The following ACSF2 variants were observed in gnomAD, a reference collection of about 807,000 sequenced individuals.
The protein encoded by ACSF2 is medium-chain acyl-CoA ligase ACSF2, mitochondrial.
A neutral mutation model predicts 79.3 loss-of-function variants in ACSF2; 52 were observed. The ratio of observed to expected loss-of-function variants is 0.66; its 90% CI spans 0.53 to 0.83. The LOEUF is 0.83. Among genes scored for constraint, ACSF2 ranks in the 40% least tolerant of loss-of-function variants. ACSF2 has a pLI of 0.00. For synonymous variants in ACSF2, 283 were observed against 312.6 expected, an observed-to-expected ratio of 0.91 and a Z score of 1.00; for missense variants, 661 against 803.3, an observed-to-expected ratio of 0.82 and a Z score of 2.14.
rs1033559856 is a variant in ACSF2, at chr17:50,426,394, T to G, written c.128+5T>G. 2 of 1,333,260 alleles carry G rather than the reference T, an allele frequency of 1.5e-6. No individual in the cohort carries two copies. Among genetic ancestry groups the G allele is most frequent in the African/African-American group, 1.5e-5 (1 of 65,928 alleles). 82.6% of individuals were successfully genotyped at this position (1,333,260 alleles called of 1,614,324 possible). On this transcript the variant is annotated splice_donor_5th_base_variant and intron_variant, in intron 1 of 15. Coordinates refer to ENST00000300441, the MANE Select transcript of ACSF2 (RefSeq NM_025149.6). ...GCAGGGTGTCCGCTTCCTCAGGTAC[T>G]GGCCCCCCGCGGGAAGAGAGGGGGC...
chr17:50,427,915 T>C (rs1178820838), intron 1 of ACSF2, among the ~76,000 whole-genome samples: 2 of 152,118 alleles, frequency 1.3e-5, no homozygotes, highest in Non-Finnish European at 2.9e-5. Flanking sequence ...GACAGATGAT[T>C]TTCTGAGTGT....
At chr17:50,449,418 T>C (rs75564485) in intron 1 of ACSF2, among the ~76,000 whole-genome samples, 3 of 151,082 alleles carry the variant, frequency 2.0e-5, no homozygotes, top group Non-Finnish European at 2.9e-5. Context: ...TTTTTTTTTT[T>C]CTTTGAGACT....
At chr17:50,440,469 C>T (rs1012191678) in intron 1 of ACSF2, among the ~76,000 whole-genome samples, 1 of 152,246 alleles carries the variant, frequency 6.6e-6, no homozygotes, top group Non-Finnish European at 1.5e-5. Context: ...GCAAAACAAA[C>T]AGCTTCTCCT....
Position 50,462,074 on chromosome 17 carries a change from G to A in ACSF2, c.508-110G>A, listed in dbSNP as rs138487933. 2.8e-3 allele frequency: 2,339 copies of A among 841,328 alleles called. 7 individuals are homozygous for A. The highest frequency in any genetic ancestry group is 3.3e-3 in the Non-Finnish European group (1,692 of 519,024). 52.1% of individuals were successfully genotyped at this position (841,328 alleles called of 1,614,324 possible). ...GCCTGTGAGTGTGCTGGAGGTGTGT[G>A]TGTCAGAAGCGGGTGCATCTGTATG... On this transcript the variant is annotated intron_variant, in intron 4 of 15. Coordinates refer to ENST00000300441, the MANE Select transcript of ACSF2 (RefSeq NM_025149.6).
chr17:50,474,561 G>A lies in ACSF2; in HGVS notation c.*9G>A. The A allele has an allele frequency of 6.2e-7, 1 of 1,614,032 alleles. No individual in the cohort carries two copies. The highest frequency in any genetic ancestry group is 8.5e-7 in the Non-Finnish European group (1 of 1,179,944). On this transcript the variant is annotated 3_prime_UTR_variant, in exon 16 of 16. Transcript: ENST00000300441. This position sits in a 1 kb window ranked among gnomAD's most constrained non-coding sequence, Gnocchi z 4.2. ...GACATCTAAATCTGTGAATAAAGCA[G>A]CAGGCCTGTCCTGGCCGGTTGGCTT... is the stretch of plus-strand genomic sequence containing the variant.
At chr17:50,461,060 A>G (rs2032300601) in intron 2 of ACSF2, 182 bp from the exon 3 acceptor site, 15 of 1,130,670 alleles carry the variant, frequency 1.3e-5, no homozygotes, top group Non-Finnish European at 1.7e-5. Context: ...CTGTATCAGC[A>G]GCTCCTGGGG....
At chr17:50,472,356 C>T (rs1007808500) in intron 11 of ACSF2, 72 bp from the exon 12 acceptor site, 1 of 1,553,088 alleles carries the variant, frequency 6.4e-7, no homozygotes, top group Admixed American at 2.0e-5. Context: ...GCAAAGCTCT[C>T]TCCATTTCCA....
At chr17:50,434,985 C>T (rs1027151962) in intron 1 of ACSF2, among the ~76,000 whole-genome samples, 9 of 152,146 alleles carry the variant, frequency 5.9e-5, no homozygotes, top group Non-Finnish European at 5.9e-5. Context: ...ATTCTCCTGC[C>T]TCAGCCTCCC....
chr17:50,460,984 G>T (rs756377882), intron 2 of ACSF2, 112 bp downstream of exon 2: 54 of 1,310,280 alleles, frequency 4.1e-5, no homozygotes, highest in Middle Eastern at 2.1e-4. Flanking sequence ...TGCTAGGGCT[G>T]CCAGAGAACC....
intron 1 of ACSF2, among the ~76,000 whole-genome samples, chr17:50,454,854 T>A (rs891558531): frequency 6.6e-6 from 1 of 152,178 alleles, no homozygotes; most frequent in Non-Finnish European, 1.5e-5. Context: ...TGGATTTTTT[T>A]TTTTCCCCCA....
chr17:50,470,683 G>C (rs2033072932), intron 10 of ACSF2, among the ~76,000 whole-genome samples: 1 of 151,938 alleles, frequency 6.6e-6, no homozygotes, highest in African/African-American at 2.4e-5. Context: ...GCAGCCAGGG[G>C]ATGGGGGGAG....
chr17:50,466,341 A>G (rs1354241660), intron 10 of ACSF2, among the ~76,000 whole-genome samples: 1 of 152,094 alleles, frequency 6.6e-6, no homozygotes, highest in Non-Finnish European at 1.5e-5. Flanking sequence ...TACCCGCCTC[A>G]GCCTCCCAAA....
chr17:50,464,768 T>TTGG (rs1458638892), intron 10 of ACSF2: 20 of 126,796 alleles, frequency 1.6e-4, no homozygotes, highest in African/African-American at 2.3e-4. Flanking sequence ...TCTGATTGAC[T>TTGG]TGGGGGGGGG....
At chr17:50,428,599 A>G (rs989241842) in intron 1 of ACSF2, among the ~76,000 whole-genome samples, 1 of 151,634 alleles carries the variant, frequency 6.6e-6, no homozygotes, top group South Asian at 2.1e-4. Context: ...ACTGGCCAAC[A>G]TGGAGAAACC....
At chr17:50,456,592 C>T (rs542679555) in intron 1 of ACSF2, among the ~76,000 whole-genome samples, 4 of 152,012 alleles carry the variant, frequency 2.6e-5, no homozygotes, top group Admixed American at 2.6e-4. Context: ...ATTAGCCGGG[C>T]GTGGTGGCGC....
chr17:50,464,470 A>T, intron 10 of ACSF2, 176 bp downstream of exon 10: 1 of 715,676 alleles, frequency 1.4e-6, no homozygotes. Flanking sequence ...CTGGTGGGTG[A>T]AGGAGATAGG....
rs1340699522 is a variant in ACSF2 at position 50,463,802 on chromosome 17, ACCT to A, written c.1047-9_1047-7del. 1 of 1,610,996 alleles carries A rather than the reference ACCT, an allele frequency of 6.2e-7. No homozygotes were observed. On this transcript the variant is annotated splice_polypyrimidine_tract_variant and intron_variant, in intron 8 of 15. Transcript: ENST00000300441. This position sits in a 1 kb window ranked among gnomAD's most constrained non-coding sequence, Gnocchi z 4.6. ...TTCCACTTCCAAGCCTAATTTCGAGACCTCCTCCTATACAGAGGCACCTTCCTG... is the reference window on the plus strand; with the variant it reads ...TTCCACTTCCAAGCCTAATTTCGAGACCTCCTATACAGAGGCACCTTCCTG...
At chr17:50,449,822 A>G (rs1244424995) in intron 1 of ACSF2, among the ~76,000 whole-genome samples, 1 of 152,088 alleles carries the variant, frequency 6.6e-6, no homozygotes, top group African/African-American at 2.4e-5. Context: ...AGTACAGTAC[A>G]CTCACACTTT....
chr17:50,431,638 G>A (rs1042259084), intron 1 of ACSF2, among the ~76,000 whole-genome samples: 7 of 152,142 alleles, frequency 4.6e-5, no homozygotes, highest in Non-Finnish European at 1.0e-4. Flanking sequence ...AGGACTACAG[G>A]CAAGTGCCAC....
Sources: allele counts gnomAD v4.1 joint callset (sites outside exome capture counted in the v4.1 genomes callset), GRCh38; gene constraint gnomAD v4.1.1; non-coding constraint Gnocchi (gnomAD v3.1); transcripts MANE v1.5; gene names NCBI Gene and HGNC (gene_info 2026-07-23, HGNC 2026-07-21).